F13B: variants seen among roughly 807,000 people sequenced by gnomAD.
F13B encodes coagulation factor XIII B chain, also known as TGase.
A neutral mutation model predicts 79.8 loss-of-function variants in F13B; 58 were observed. The observed-to-expected ratio is 0.73, with a 90% CI of 0.59 to 0.90. F13B has a LOEUF of 0.90. F13B is among the 40% of genes least tolerant of loss of function. F13B has a pLI of 0.00. For synonymous variants in F13B, 283 were observed against 260.3 expected, an observed-to-expected ratio of 1.09 and a Z score of -0.84; for missense variants, 773 against 777.0, an observed-to-expected ratio of 0.99 and a Z score of 0.06.
At chr1:197,045,452 T>A (rs1558304187) in intron 10 of F13B, among the ~76,000 whole-genome samples, 1 of 152,058 alleles carries the variant, frequency 6.6e-6, no homozygotes, top group Non-Finnish European at 1.5e-5. Flanking sequence ...CTTCCAAGAC[T>A]AAACCAGAAA....
chr1:197,066,386 C>T (rs973471883), intron 1 of F13B, among the ~76,000 whole-genome samples: 11 of 152,102 alleles, frequency 7.2e-5, no homozygotes, highest in African/African-American at 2.4e-4. Flanking sequence ...TGCTAAGTGT[C>T]CTCCCTGGAT....
At chr1:197,044,328 G>A (rs574997336) in intron 10 of F13B, among the ~76,000 whole-genome samples, 9 of 152,122 alleles carry the variant, frequency 5.9e-5, no homozygotes, top group South Asian at 4.2e-4. Context: ...GGGGAGGGTC[G>A]TCTACTATTG....
chr1:197,045,596 T>C (rs1389354524), intron 10 of F13B, among the ~76,000 whole-genome samples: 1 of 151,994 alleles, frequency 6.6e-6, no homozygotes, highest in Non-Finnish European at 1.5e-5. Context: ...GAGGAGCTGG[T>C]ACCATTCCTT....
intron 7 of F13B, 76 bp from the exon 8 acceptor site, chr1:197,055,973 G>A (rs537982859): frequency 1.9e-5 from 23 of 1,211,042 alleles, no homozygotes; most frequent in South Asian, 6.6e-5. Flanking sequence ...ATAGTGTCTC[G>A]ATATTTGTAT....
chr1:197,060,264 A>C, intron 5 of F13B, 102 bp downstream of exon 5: 1 of 802,554 alleles, frequency 1.2e-6, no homozygotes, highest in East Asian at 2.5e-5. Context: ...AATAGGACTC[A>C]GGAAAAAAAA....
intron 5 of F13B, among the ~76,000 whole-genome samples, chr1:197,058,127 G>T (rs1334582878): frequency 6.6e-6 from 1 of 152,182 alleles, no homozygotes; most frequent in Admixed American, 6.6e-5. Context: ...CGCACCAATA[G>T]AATACTAACA....
intron 1 of F13B, 27 bp from the exon 2 acceptor site, chr1:197,063,084 A>T: frequency 6.3e-7 from 1 of 1,589,086 alleles, no homozygotes; most frequent in South Asian, 1.1e-5. Flanking sequence ...TCAAGCTGAA[A>T]ATGGAAAAAC....
rs761863715 is a variant in F13B at position 197,060,496 on chromosome 1, ATG to A, written c.673_674del (p.His225SerfsTer7). ...CTTCTTCATAGGTTTGCTTTACAGG[ATG>A]AAAATAACCATTTTCAATTAATCTT... Reference protein sequence around the residue: ...SLRLIENGYFHPVKQTYEEGD... With the variant: ...SLRLIENGYFXPVKQTYEEGD... On this transcript the variant is annotated frameshift_variant, in exon 5 of 12. Transcript: ENST00000367412. LOFTEE classifies it high-confidence loss of function. The A allele has an allele frequency of 2.5e-6, 4 of 1,604,344 alleles. No homozygotes were observed. Among genetic ancestry groups the A allele is most frequent in the Non-Finnish European group, 3.4e-6 (4 of 1,174,896 alleles).
intron 10 of F13B, 34 bp from the exon 11 acceptor site, chr1:197,040,769 A>G: frequency 6.5e-7 from 1 of 1,527,250 alleles, no homozygotes; most frequent in Non-Finnish European, 9.0e-7. Context: ...AAGAAAGAAA[A>G]AGAAGAAAAC....
chr1:197,053,628 C>T (rs1186985592), intron 8 of F13B, among the ~76,000 whole-genome samples: 1 of 151,946 alleles, frequency 6.6e-6, no homozygotes, highest in Non-Finnish European at 1.5e-5. Context: ...TGAGAACAGA[C>T]TAACACAGTG....
intron 2 of F13B, 152 bp from the exon 3 acceptor site, chr1:197,062,121 T>C: frequency 4.4e-6 from 3 of 677,456 alleles, no homozygotes; most frequent in South Asian, 3.7e-5. Flanking sequence ...AATTTAACAC[T>C]GACTCTCTTT....
rs1187545987 is a variant in F13B at position 197,039,418 on chromosome 1, G to A, written c.1953-7C>T. On this transcript the variant is annotated splice_polypyrimidine_tract_variant and splice_region_variant and intron_variant, in intron 11 of 11. Coordinates refer to ENST00000367412, the MANE Select transcript of F13B (RefSeq NM_001994.3). ...TTCTTGATAAGACAGAGTGCTTGAG[G>A]GGAAAAAGAGAGATTTTTGAAATAA... 1.2e-6 allele frequency: 2 copies of A among 1,607,796 alleles called. No individual in the cohort carries two copies. Among genetic ancestry groups the A allele is most frequent in the African/African-American group, 1.3e-5 (1 of 74,866 alleles).
intron 9 of F13B, among the ~76,000 whole-genome samples, chr1:197,051,781 G>C (rs1254559761): frequency 1.3e-5 from 2 of 152,082 alleles, no homozygotes; most frequent in Non-Finnish European, 2.9e-5. Flanking sequence ...GCGATGTTGA[G>C]CTTTTTCCTC....
At chr1:197,043,644 G>T (rs1198033745) in intron 10 of F13B, among the ~76,000 whole-genome samples, 1 of 152,134 alleles carries the variant, frequency 6.6e-6, no homozygotes, top group African/African-American at 2.4e-5. Context: ...CAAAAGATGA[G>T]TTTAAAGCAG....
intron 9 of F13B, among the ~76,000 whole-genome samples, chr1:197,051,271 ATAT>A (rs1655429975): frequency 6.6e-6 from 1 of 152,184 alleles, no homozygotes; most frequent in Non-Finnish European, 1.5e-5. Flanking sequence ...TTTTGCAATA[ATAT>A]TATACCATAC....
chr1:197,060,311 A>G, intron 5 of F13B, 55 bp downstream of exon 5: 1 of 1,360,888 alleles, frequency 7.3e-7, no homozygotes. Flanking sequence ...GAGCTAATAG[A>G]GATTAAAGCT....
intron 9 of F13B, among the ~76,000 whole-genome samples, chr1:197,051,769 C>T (rs951233918): frequency 5.9e-5 from 9 of 152,132 alleles, no homozygotes; most frequent in Non-Finnish European, 1.3e-4. Flanking sequence ...CTCTAAAGAT[C>T]AGCGATGTTG....
intron 1 of F13B, among the ~76,000 whole-genome samples, chr1:197,065,487 A>G (rs542049318): frequency 2.0e-5 from 3 of 152,192 alleles, no homozygotes; most frequent in Non-Finnish European, 4.4e-5. Context: ...ATGGGATATC[A>G]CTTTATGAAT....
At position 197,067,172 on chromosome 1, in the gene F13B, G is replaced by T; in HGVS notation, c.52C>A (p.Leu18Ile). 6.3e-7 allele frequency: 1 copy of T among 1,594,986 alleles called. No homozygotes were observed. Among genetic ancestry groups the T allele is most frequent in the Middle Eastern group, 1.8e-4 (1 of 5,644 alleles). The change falls in exon 1 of 12, where the codon CTC becomes ATC. Residue 18 changes from leucine (L) to isoleucine (I), a missense_variant. Coordinates refer to ENST00000367412, the MANE Select transcript of F13B (RefSeq NM_001994.3). The stretch of plus-strand genomic sequence containing the variant: ...GAATTAATTTTACCTTCTGCATAGA[G>T]TTCTCCTGAGATTATCAATATGATG... ...FIIILIISGE[L>I]YAEEKPCGFP...
Sources: gnomAD v4.1 joint callset for allele counts (sites outside exome capture counted in the v4.1 genomes callset) on GRCh38, gnomAD v4.1.1 for gene constraint, MANE v1.5 for transcripts, NCBI Gene and HGNC (gene_info 2026-07-23, HGNC 2026-07-21) for gene names.